Variants in CCSER1 observed in about 807,000 individuals in gnomAD.
CCSER1 encodes serine-rich coiled-coil domain-containing protein 1.
CCSER1 carries 41 observed loss-of-function variants against 82.0 expected under a neutral mutation model. The observed-to-expected ratio is 0.50, with a 90% CI of 0.39 to 0.65. The LOEUF (loss-of-function observed/expected upper bound fraction) is 0.65, where lower values mean the gene tolerates loss of function less well. CCSER1 is among the 30% of genes least tolerant of loss of function. The pLI is 0.00. For missense variants in CCSER1, 1,119 were observed against 1,064.2 expected (o/e 1.05, Z -0.72); for synonymous variants, 414 against 383.9 (o/e 1.08, Z -0.92).
Position 91,245,406 on chromosome 4 carries a change from TAAAC to T in CCSER1, c.2217+159416_2217+159419del, listed in dbSNP as rs376239170. The stretch of plus-strand genomic sequence containing the variant: ...TGATACTAAAAACAGCAAGAGAAAA[TAAAC>T]AAATAACGTACAATGAAACTCCAAA... On this transcript the variant is annotated intron_variant, in intron 10 of 10. Transcript: ENST00000509176. Among the ~76,000 whole-genome samples, 850 of 151,894 alleles carry T rather than the reference TAAAC, an allele frequency of 5.6e-3. 5 individuals are homozygous for T. The highest frequency in any genetic ancestry group is 7.9e-3 in the South Asian group (38 of 4,814).
intron 9 of CCSER1, among the ~76,000 whole-genome samples, chr4:90,931,063 G>A (rs904332273): frequency 2.1e-5 from 3 of 145,988 alleles, no homozygotes; most frequent in Non-Finnish European, 4.5e-5. Context: ...ATATATTCTT[G>A]GAATATATAT....
rs1764686586 is a variant in CCSER1, at chr4:91,598,505, C to T, written c.2218-67C>T. Reference sequence around the variant, plus strand: ...CAGACACAAATGTATAAATATCACTCTGTATTGTATGTATGCTATGAAAGT... The same window carrying T: ...CAGACACAAATGTATAAATATCACTTTGTATTGTATGTATGCTATGAAAGT... On this transcript the variant is annotated intron_variant, in intron 10 of 10. Coordinates refer to ENST00000509176, the MANE Select transcript of CCSER1 (RefSeq NM_001145065.2). 6.4e-6 allele frequency: 9 copies of T among 1,410,024 alleles called. No individual in the cohort carries two copies. The South Asian group carries it at 1.4e-4, about 22-fold the overall frequency. The allele number at this position is 1,410,024 out of a possible 1,614,324, so 87.3% of individuals were successfully genotyped here. A position where few individuals can be genotyped will look rare whatever the true frequency, so the allele number is the denominator to read the frequency against.
intron 7 of CCSER1, among the ~76,000 whole-genome samples, chr4:90,788,494 C>T (rs1040072656): frequency 1.3e-5 from 2 of 152,130 alleles, no homozygotes; most frequent in Non-Finnish European, 2.9e-5. Context: ...AGCCTGGTAT[C>T]TGGTAGTTTC....
chr4:90,571,938 T>A (rs999669884), intron 5 of CCSER1, among the ~76,000 whole-genome samples: 25 of 152,180 alleles, frequency 1.6e-4, no homozygotes, highest in African/African-American at 5.8e-4. Flanking sequence ...AGAGTATTAG[T>A]TAATCTGAAT....
chr4:90,273,329 C>T (rs1306595648), intron 1 of CCSER1, among the ~76,000 whole-genome samples: 2 of 151,830 alleles, frequency 1.3e-5, no homozygotes, highest in Non-Finnish European at 2.9e-5. Flanking sequence ...TATTCAATAA[C>T]AATTTAATCG....
At chr4:90,856,323 C>G (rs1018719826) in intron 8 of CCSER1, among the ~76,000 whole-genome samples, 16 of 72,518 alleles carry the variant, frequency 2.2e-4, no homozygotes, top group Admixed American at 5.7e-4. Flanking sequence ...TTTTGCAAGA[C>G]TCATTTATAA....
At chr4:90,486,187 A>G (rs1578740637) in intron 5 of CCSER1, among the ~76,000 whole-genome samples, 1 of 152,170 alleles carries the variant, frequency 6.6e-6, no homozygotes, top group African/African-American at 2.4e-5. Context: ...CCCTCAATCT[A>G]GGAAAATTAT....
chr4:91,540,881 C>T (rs950767298), intron 10 of CCSER1, among the ~76,000 whole-genome samples: 3 of 152,122 alleles, frequency 2.0e-5, no homozygotes, highest in African/African-American at 7.2e-5. Context: ...CTTAGGTGGG[C>T]TCTCAGTTAC....
chr4:90,311,059 C>CA lies in CCSER1; in HGVS notation c.1324+1456dup, dbSNP rs1735202775. On this transcript the variant is annotated intron_variant, in intron 2 of 10. Coordinates refer to ENST00000509176, the MANE Select transcript of CCSER1 (RefSeq NM_001145065.2). ...CCCTTTTGTATAATTAATATATGCC[C>CA]AAAAATGTACTAAGAAGATTGCATG... Among the ~76,000 whole-genome samples, 4 of 151,730 alleles carry CA rather than the reference C, an allele frequency of 2.6e-5. No individual in the cohort carries two copies. The South Asian group carries it at 8.3e-4, about 32-fold the overall frequency.
chr4:90,747,006 A>G (rs957697017), intron 7 of CCSER1, among the ~76,000 whole-genome samples: 1 of 152,154 alleles, frequency 6.6e-6, no homozygotes, highest in Non-Finnish European at 1.5e-5. Context: ...TATTCTGACT[A>G]TCCATTTGCT....
intron 7 of CCSER1, among the ~76,000 whole-genome samples, chr4:90,734,937 C>T (rs1745407743): frequency 6.6e-6 from 1 of 152,134 alleles, no homozygotes; most frequent in African/African-American, 2.4e-5. Context: ...CCCCATTTAG[C>T]ATAAGCTGTG....
chr4:90,597,282 A>G (rs968751534), intron 5 of CCSER1, among the ~76,000 whole-genome samples: 1 of 152,018 alleles, frequency 6.6e-6, no homozygotes, highest in Non-Finnish European at 1.5e-5. Context: ...TGATCATTTT[A>G]AACTTAACTA....
intron 3 of CCSER1, among the ~76,000 whole-genome samples, chr4:90,396,137 T>C (rs1373410159): frequency 6.6e-6 from 1 of 152,104 alleles, no homozygotes; most frequent in Non-Finnish European, 1.5e-5. Context: ...ATTATTTCTT[T>C]ATTATGTAGG....
Position 90,961,061 on chromosome 4 carries a change from A to G in CCSER1, c.2172+37614A>G, listed in dbSNP as rs139829173. Among the ~76,000 whole-genome samples the G allele has an allele frequency of 4.2e-3, 636 of 152,254 alleles. 8 individuals are homozygous for G. Among genetic ancestry groups the G allele is most frequent in the African/African-American group, 0.015 (609 of 41,556 alleles). On this transcript the variant is annotated intron_variant, in intron 9 of 10. Transcript: ENST00000509176. ...TCATTCCCAGCCACTAGAGCACCAG[A>G]ATTGCCCTAATGTTGACAAACTCTT...
At chr4:91,005,975 T>G (rs955554476) in intron 9 of CCSER1, among the ~76,000 whole-genome samples, 4 of 152,208 alleles carry the variant, frequency 2.6e-5, no homozygotes, top group Non-Finnish European at 2.9e-5. Context: ...TTACTATAGC[T>G]TTATAAGTTT....
chr4:90,486,525 G>T (rs17017054), intron 5 of CCSER1, among the ~76,000 whole-genome samples: 4,029 of 152,194 alleles, frequency 0.026, 187 homozygotes, highest in African/African-American at 0.092. Context: ...TTCTGTTTTG[G>T]GATCAGCAAT....
At chr4:90,191,500 C>A (rs1735620948) in intron 1 of CCSER1, among the ~76,000 whole-genome samples, 1 of 151,880 alleles carries the variant, frequency 6.6e-6, no homozygotes, top group Non-Finnish European at 1.5e-5. Flanking sequence ...GGGAGAGAGA[C>A]AGCACTATAC....
At chr4:91,034,474 A>G (rs1741259490) in intron 9 of CCSER1, among the ~76,000 whole-genome samples, 1 of 152,196 alleles carries the variant, frequency 6.6e-6, no homozygotes, top group East Asian at 1.9e-4. Flanking sequence ...TATCCAGAGC[A>G]CAAGTTGTTA....
chr4:90,507,048 G>C (rs890268244), intron 5 of CCSER1, among the ~76,000 whole-genome samples: 15 of 152,000 alleles, frequency 9.9e-5, no homozygotes, highest in African/African-American at 3.6e-4. Context: ...TCAAAATTTT[G>C]ACAACTAACA....
Sources: allele counts gnomAD v4.1 joint callset (sites outside exome capture counted in the v4.1 genomes callset), GRCh38; gene constraint gnomAD v4.1.1; transcripts MANE v1.5; gene names NCBI Gene and HGNC (gene_info 2026-07-23, HGNC 2026-07-21).